The following COL24A1 variants were observed in gnomAD, a reference collection of about 807,000 sequenced individuals.
COL24A1 encodes the protein collagen type XXIV alpha 1 chain, also known as collagen alpha-1(XXIV) chain.
Under a neutral mutation model 253.9 loss-of-function variants are expected in COL24A1, and 224 were observed. That is an observed-to-expected ratio of 0.88 (90% CI 0.79 to 0.99). The LOEUF (loss-of-function observed/expected upper bound fraction) is 0.99. Among genes scored for constraint, COL24A1 ranks in the 50% least tolerant of loss-of-function variants. The probability of loss-of-function intolerance (pLI) is 0.00; values close to 1 mark genes in which losing one functional copy is unlikely to be tolerated. For missense variants in COL24A1, 2,131 were observed against 2,068.5 expected (o/e 1.03, Z -0.59); for synonymous variants, 685 against 673.7 (o/e 1.02, Z -0.26).
chr1:85,984,376 T>C (rs1220994647), intron 20 of COL24A1, among the ~76,000 whole-genome samples: 3 of 151,876 alleles, frequency 2.0e-5, no homozygotes, highest in East Asian at 1.9e-4. Flanking sequence ...ACCAACTCTT[T>C]TATATAGAAC....
At chr1:86,003,700 G>C (rs1257389067) in intron 19 of COL24A1, among the ~76,000 whole-genome samples, 1 of 152,108 alleles carries the variant, frequency 6.6e-6, no homozygotes, top group Admixed American at 6.5e-5. Context: ...TGTGTGGCAA[G>C]AGAAGTGACC....
intron 24 of COL24A1, among the ~76,000 whole-genome samples, chr1:85,925,527 C>T (rs1458938833): frequency 4.6e-5 from 7 of 152,096 alleles, no homozygotes; most frequent in African/African-American, 7.2e-5. Flanking sequence ...CGCATATCTA[C>T]AACTATCTGA....
In COL24A1 at chr1:85,816,793, G is replaced by T; in HGVS notation, c.3946C>A (p.Leu1316Ile). The change falls in exon 47 of 60, where the codon CTT becomes ATT. Residue 1316 changes from leucine (L) to isoleucine (I), a missense_variant. Coordinates refer to ENST00000370571, the MANE Select transcript of COL24A1 (RefSeq NM_152890.7). Reference sequence around the variant, plus strand: ...GAGATATCCGTACTACTCACAGGAAGTCCCTGTTTTCCTGGTGGCCCAATT... The same window carrying T: ...GAGATATCCGTACTACTCACAGGAATTCCCTGTTTTCCTGGTGGCCCAATT... Reference protein sequence around the residue: ...GKIGPPGKQGLPGIRGGPGRT... With the variant: ...GKIGPPGKQGIPGIRGGPGRT... 1.9e-6 allele frequency: 3 copies of T among 1,610,098 alleles called. No individual in the cohort carries two copies. Among genetic ancestry groups the T allele is most frequent in the Non-Finnish European group, 2.6e-6 (3 of 1,176,308 alleles).
At chr1:85,842,992 TCAGA>T (rs1374590898) in intron 39 of COL24A1, among the ~76,000 whole-genome samples, 1 of 152,032 alleles carries the variant, frequency 6.6e-6, no homozygotes, top group South Asian at 2.1e-4. Context: ...AATAGATTGC[TCAGA>T]CAATTGAAAA....
intron 43 of COL24A1, among the ~76,000 whole-genome samples, chr1:85,824,068 A>C (rs2101995366): frequency 6.6e-6 from 1 of 152,282 alleles, no homozygotes; most frequent in South Asian, 2.1e-4. Context: ...GGGTCTTTGC[A>C]GATGTCACTA....
intron 47 of COL24A1, among the ~76,000 whole-genome samples, chr1:85,787,712 C>T (rs1669831583): frequency 6.6e-6 from 1 of 152,104 alleles, no homozygotes; most frequent in Non-Finnish European, 1.5e-5. Flanking sequence ...ATATATATTG[C>T]TTTGGGTATA....
At chr1:85,881,758 T>C (rs1377700354) in intron 32 of COL24A1, among the ~76,000 whole-genome samples, 1 of 152,246 alleles carries the variant, frequency 6.6e-6, no homozygotes. Context: ...TCTCCTTTTT[T>C]TCCCCTTGGT....
chr1:86,017,554 T>G (rs757766012), intron 18 of COL24A1, among the ~76,000 whole-genome samples: 6 of 152,166 alleles, frequency 3.9e-5, no homozygotes, highest in Admixed American at 6.5e-5. Flanking sequence ...ACTGCTTTTA[T>G]AAATAACCAC....
chr1:85,995,416 G>A (rs7514604), intron 19 of COL24A1, among the ~76,000 whole-genome samples: 74,335 of 151,910 alleles, frequency 0.49, 18,636 homozygotes, highest in East Asian at 0.61. Flanking sequence ...TCACTTTTAA[G>A]GGAAACTACA....
rs779681429 is a variant in COL24A1 at position 85,745,510 on chromosome 1, T to C, written c.4438-4A>G. 1.9e-5 allele frequency: 30 copies of C among 1,607,724 alleles called. No individual in the cohort carries two copies. The South Asian group carries it at 3.2e-4, about 17-fold the overall frequency. ...CAGCATTGATATCCATTTGCTTCTGTGTAAAACAAAACCATTTGAGATTAG... is the reference window on the plus strand; with the variant it reads ...CAGCATTGATATCCATTTGCTTCTGCGTAAAACAAAACCATTTGAGATTAG... On this transcript the variant is annotated splice_region_variant and splice_polypyrimidine_tract_variant and intron_variant, in intron 55 of 59. Transcript: ENST00000370571.
At chr1:85,926,778 G>A (rs1448405866) in intron 24 of COL24A1, among the ~76,000 whole-genome samples, 1 of 151,890 alleles carries the variant, frequency 6.6e-6, no homozygotes, top group Admixed American at 6.6e-5. Flanking sequence ...TAACAAACCT[G>A]CACGTTGTGC....
chr1:85,963,483 A>C (rs1691263266), intron 23 of COL24A1, among the ~76,000 whole-genome samples: 1 of 152,150 alleles, frequency 6.6e-6, no homozygotes, highest in Admixed American at 6.6e-5. Context: ...TTGCATTCTT[A>C]CTTTAGTTTT....
At chr1:85,915,679 C>T (rs534843111) in intron 24 of COL24A1, among the ~76,000 whole-genome samples, 6 of 152,242 alleles carry the variant, frequency 3.9e-5, no homozygotes, top group South Asian at 4.2e-4. Context: ...GACAGAGTCT[C>T]GCTGTGTCGC....
chr1:85,830,589 G>T (rs1675103296), intron 43 of COL24A1, among the ~76,000 whole-genome samples: 1 of 152,142 alleles, frequency 6.6e-6, no homozygotes, highest in Admixed American at 6.6e-5. Flanking sequence ...GTGGGCATAG[G>T]ACCCTCTGAG....
chr1:85,793,501 A>G (rs1670509065), intron 47 of COL24A1, among the ~76,000 whole-genome samples: 1 of 152,118 alleles, frequency 6.6e-6, no homozygotes, highest in Admixed American at 6.6e-5. Context: ...GAGGGGAGAG[A>G]GAGAGCGAGA....
At chr1:85,785,851 G>GT (rs1430368729) in intron 48 of COL24A1, among the ~76,000 whole-genome samples, 1 of 152,256 alleles carries the variant, frequency 6.6e-6, no homozygotes, top group African/African-American at 2.4e-5. Context: ...TCTAAAAGAG[G>GT]TTTTGTCTGG....
chr1:86,062,712 C>T (rs1206324637), intron 8 of COL24A1, among the ~76,000 whole-genome samples: 1 of 152,100 alleles, frequency 6.6e-6, no homozygotes, highest in Non-Finnish European at 1.5e-5. Flanking sequence ...CCCATAAATG[C>T]TCAAATGCTT....
chr1:85,889,562 G>A lies in COL24A1; in HGVS notation c.2974C>T (p.Pro992Ser). The change falls in exon 32 of 60, where the codon CCA (proline) becomes TCA (serine). Residue 992 changes from proline (P) to serine (S), a missense_variant and splice_region_variant. Transcript: ENST00000370571. ...GAAAAGTATAAAGATAAACTTACTG[G>A]CTCTCCTGGAAGTCCTCTGTCACCT... ...STGDRGLPGE[P>S]GLRGLQGDVG... 1 of 1,611,678 alleles carries A rather than the reference G, an allele frequency of 6.2e-7. No individual in the cohort carries two copies. The highest frequency in any genetic ancestry group is 2.2e-5 in the East Asian group (1 of 44,826).
At chr1:86,014,722 A>G (rs1431501948) in intron 19 of COL24A1, among the ~76,000 whole-genome samples, 5 of 152,096 alleles carry the variant, frequency 3.3e-5, no homozygotes, top group African/African-American at 1.2e-4. Context: ...ATTGGAATGA[A>G]CTGTTTTATG....
Sources: allele counts gnomAD v4.1 joint callset (sites outside exome capture counted in the v4.1 genomes callset), GRCh38; gene constraint gnomAD v4.1.1; transcripts MANE v1.5; gene names NCBI Gene and HGNC (gene_info 2026-07-23, HGNC 2026-07-21).